MAN2A2: variants seen among roughly 807,000 people sequenced by gnomAD.
MAN2A2 encodes the protein mannosidase alpha class 2A member 2.
In MAN2A2, 79 loss-of-function variants were observed where a neutral mutation model predicts 126.8. The observed-to-expected ratio is 0.62, with a 90% CI of 0.52 to 0.75. MAN2A2 has a LOEUF of 0.75. Among genes scored for constraint, MAN2A2 ranks in the 30% least tolerant of loss-of-function variants. MAN2A2 has a pLI of 0.00. For missense variants in MAN2A2, 1,392 were observed against 1,522.4 expected (o/e 0.91, Z 1.43); for synonymous variants, 671 against 618.7 (o/e 1.08, Z -1.25).
chr15:90,904,482 A>G, intron 2 of MAN2A2, 143 bp downstream of exon 2: 1 of 960,508 alleles, frequency 1.0e-6, no homozygotes, highest in Non-Finnish European at 1.5e-6. Context: ...CCCAATAGTC[A>G]GGTTTTGTAG....
intron 8 of MAN2A2, among the ~76,000 whole-genome samples, chr15:90,908,956 G>A (rs953733423): frequency 6.6e-6 from 1 of 152,182 alleles, no homozygotes; most frequent in African/African-American, 2.4e-5. Context: ...TGGAGGCTCA[G>A]AGAGGTTACT....
In MAN2A2 at chr15:90,905,982, A is replaced by T; in HGVS notation, c.673A>T (p.Asn225Tyr). 1 of 1,614,040 alleles carries T rather than the reference A, an allele frequency of 6.2e-7. No individual in the cohort carries two copies. The highest frequency in any genetic ancestry group is 1.1e-5 in the South Asian group (1 of 91,076). Residue 225 changes from asparagine to tyrosine, a missense_variant, in exon 5 of 23, where the codon AAC becomes TAC. Asn to Tyr is a moderately radical substitution (Grantham distance 143). Coordinates refer to ENST00000559717, the MANE Select transcript of MAN2A2 (RefSeq NM_006122.4). ...CTCCTTCTTCGCCAAGTGGTGGGACAACATCAATGTCCAAAAGAGAGCGGC... is the reference window on the plus strand; with the variant it reads ...CTCCTTCTTCGCCAAGTGGTGGGACTACATCAATGTCCAAAAGAGAGCGGC... ...EVSFFAKWWD[N>Y]INVQKRAAVR...
At position 90,904,349 on chromosome 15, in the gene MAN2A2, G is replaced by C; in HGVS notation, c.132+10G>C. ...TGGGAACTTCCCCCGGGTGAGTCGT[G>C]CCTGGTTGCTAATTTCTTTGTATAC... On this transcript the variant is annotated intron_variant, in intron 2 of 22. Coordinates refer to ENST00000559717, the MANE Select transcript of MAN2A2 (RefSeq NM_006122.4). 6.2e-7 allele frequency: 1 copy of C among 1,611,772 alleles called. No individual in the cohort carries two copies.
intron 6 of MAN2A2, 111 bp from the exon 7 acceptor site, chr15:90,906,629 C>A: frequency 1.3e-6 from 2 of 1,558,652 alleles, no homozygotes; most frequent in South Asian, 1.2e-5. Flanking sequence ...GGTGTGATAT[C>A]ATCTCTCCAC....
Position 90,922,020 on chromosome 15 carries a change from T to C in MAN2A2, c.*2233T>C, listed in dbSNP as rs1041243605. 4.6e-5 allele frequency: 7 copies of C among 152,182 alleles called. No homozygotes were observed. The highest frequency in any genetic ancestry group is 8.8e-5 in the Non-Finnish European group (6 of 68,038). The allele number at this position is 152,182 out of a possible 1,614,324, so 9.4% of individuals were successfully genotyped here. A position where few individuals can be genotyped will look rare whatever the true frequency, so the allele number is the denominator to read the frequency against. ...TACTCAAAAATTTTTATACCTCTGGTGTGGGACGGTCTTTTCTAAACTTTA... is the reference window on the plus strand; with the variant it reads ...TACTCAAAAATTTTTATACCTCTGGCGTGGGACGGTCTTTTCTAAACTTTA... On this transcript the variant is annotated 3_prime_UTR_variant, in exon 23 of 23. Coordinates refer to ENST00000559717, the MANE Select transcript of MAN2A2 (RefSeq NM_006122.4).
At chr15:90,918,047 C>T (rs895483875) in intron 20 of MAN2A2, 147 bp from the exon 21 acceptor site, 62 of 710,014 alleles carry the variant, frequency 8.7e-5, no homozygotes, top group African/African-American at 2.0e-4. Context: ...AGCGGAACCT[C>T]GCCTGGAGCC....
At position 90,916,234 on chromosome 15, in the gene MAN2A2, A is replaced by G; in HGVS notation, c.2972A>G (p.Glu991Gly). ...RTCNRFRLLL[E>G]RRTVGSEVQD... ...TGCAACCGTTTCCGCCTCCTGCTAG[A>G]GCGGCGAACCGTGGGCAGTGAGGTA... The change falls in exon 20 of 23, where the codon GAG (glutamate) becomes GGG (glycine). Residue 991 changes from glutamate (E) to glycine (G), a missense_variant. Transcript: ENST00000559717. The G allele has an allele frequency of 6.2e-7, 1 of 1,614,028 alleles. No individual in the cohort carries two copies. Among genetic ancestry groups the G allele is most frequent in the Non-Finnish European group, 8.5e-7 (1 of 1,179,970 alleles).
At chr15:90,914,294 C>T (rs180908021) in intron 19 of MAN2A2, among the ~76,000 whole-genome samples, 100 of 152,286 alleles carry the variant, frequency 6.6e-4, no homozygotes, top group African/African-American at 2.2e-3. Context: ...TGTGCCACTG[C>T]ACTACAGCCT....
chr15:90,911,008 T>TC, intron 12 of MAN2A2, 47 bp downstream of exon 12: 1 of 1,549,666 alleles, frequency 6.5e-7, no homozygotes. Context: ...TGTGTGCAGG[T>TC]CCCATCCCAA....
rs781574206 is a variant in MAN2A2 at position 90,922,210 on chromosome 15, T to A, written c.*2423T>A. On this transcript the variant is annotated 3_prime_UTR_variant, in exon 23 of 23. Coordinates refer to ENST00000559717, the MANE Select transcript of MAN2A2 (RefSeq NM_006122.4). ...AAAAAATCAACGAGTACAATTACTT[T>A]AGGAGAAAAGCTTGCTTCAGGGTCC... is the stretch of plus-strand genomic sequence containing the variant. The A allele has an allele frequency of 1.3e-5, 2 of 152,194 alleles. No homozygotes were observed. Among genetic ancestry groups the A allele is most frequent in the Non-Finnish European group, 2.9e-5 (2 of 68,030 alleles). 9.4% of individuals were successfully genotyped at this position (152,194 alleles called of 1,614,324 possible). A position where few individuals can be genotyped will look rare whatever the true frequency, so the allele number is the denominator to read the frequency against.
At chr15:90,919,568 A>G (rs2035441565) in intron 22 of MAN2A2, 67 bp from the exon 23 acceptor site, 4 of 1,570,744 alleles carry the variant, frequency 2.5e-6, no homozygotes, top group African/African-American at 1.4e-5. Context: ...CAAATTGTAG[A>G]TGAACAGCCA....
chr15:90,908,817 C>A (rs2151301731), intron 8 of MAN2A2, among the ~76,000 whole-genome samples: 1 of 152,272 alleles, frequency 6.6e-6, no homozygotes, highest in Middle Eastern at 3.4e-3. Flanking sequence ...CTCAGGTGAT[C>A]TGCCTGCCCC....
rs763045576 is a variant in MAN2A2, at chr15:90,905,701, G to A, written c.513G>A (p.Val171=). 1 of 1,614,030 alleles carries A rather than the reference G, an allele frequency of 6.2e-7. No individual in the cohort carries two copies. Among genetic ancestry groups the A allele is most frequent in the African/African-American group, 1.3e-5 (1 of 75,030 alleles). ...WDAEDLQVFV[V]PHSHNDPGWI... is the part of the protein sequence containing the mutation. ...CTGAAGACCTGCAGGTGTTTGTGGT[G>A]CCCCACTCTCACAATGACCCAGGTG... Residue 171 remains valine (V), a synonymous_variant, in exon 4 of 23, where the codon GTG becomes GTA. Coordinates refer to ENST00000559717, the MANE Select transcript of MAN2A2 (RefSeq NM_006122.4).
At position 90,907,469 on chromosome 15, in the gene MAN2A2, C is replaced by A. The variant is rs1257439331; in HGVS notation, c.1170C>A (p.Ala390=). ...GCCCTTGGAAGGTGCCACCCCGGGC[C>A]ATCACAGAGGCCAACGTGGCAGAGA... ...INCPWKVPPR[A]ITEANVAERA... Residue 390 remains alanine, a synonymous_variant, in exon 8 of 23, where the codon GCC becomes GCA. Transcript: ENST00000559717. 1.2e-6 allele frequency: 2 copies of A among 1,613,094 alleles called. No individual in the cohort carries two copies. The highest frequency in any genetic ancestry group is 1.7e-6 in the Non-Finnish European group (2 of 1,179,968).
rs1240819570 is a variant in MAN2A2, at chr15:90,921,240, A to G, written c.*1453A>G. The G allele has an allele frequency of 6.6e-6, 1 of 152,262 alleles. No homozygotes were observed. Among genetic ancestry groups the G allele is most frequent in the African/African-American group, 2.4e-5 (1 of 41,470 alleles). 9.4% of individuals were successfully genotyped at this position (152,262 alleles called of 1,614,324 possible). Reference sequence around the variant, plus strand: ...TTAAGAGTATTCTGTAAGTCAACCCAATGATACACATCATGTTCCTGTCCA... The same window carrying G: ...TTAAGAGTATTCTGTAAGTCAACCCGATGATACACATCATGTTCCTGTCCA... On this transcript the variant is annotated 3_prime_UTR_variant, in exon 23 of 23. Coordinates refer to ENST00000559717, the MANE Select transcript of MAN2A2 (RefSeq NM_006122.4).
intron 2 of MAN2A2, 85 bp downstream of exon 2, chr15:90,904,424 C>G: frequency 1.4e-6 from 2 of 1,439,790 alleles, no homozygotes; most frequent in Non-Finnish European, 1.9e-6. Context: ...GCCTCCCCTC[C>G]CACCCCCCGC....
In MAN2A2 at chr15:90,913,407, G is replaced by A. The variant is rs1322970205; in HGVS notation, c.2718+1G>A. The A allele has an allele frequency of 6.3e-7, 1 of 1,585,504 alleles. No homozygotes were observed. The highest frequency in any genetic ancestry group is 8.7e-7 in the Non-Finnish European group (1 of 1,154,186). On this transcript the variant is annotated splice_donor_variant, in intron 18 of 22. Coordinates refer to ENST00000559717, the MANE Select transcript of MAN2A2 (RefSeq NM_006122.4). LOFTEE classifies it high-confidence loss of function. Reference sequence around the variant, plus strand: ...CTTCACAGACCTCAATGGCTTTCAGGTGACTCCTGGGCCTGGGTCTCGGAG... The same window carrying A: ...CTTCACAGACCTCAATGGCTTTCAGATGACTCCTGGGCCTGGGTCTCGGAG...
In MAN2A2 at chr15:90,915,978, A is replaced by T. The variant is rs1414043255; in HGVS notation, c.2861-145A>T. On this transcript the variant is annotated intron_variant, in intron 19 of 22. Coordinates refer to ENST00000559717, the MANE Select transcript of MAN2A2 (RefSeq NM_006122.4). ...CATCAGGTTCCCTCCCAGCCGTGGG[A>T]ACCCGTGACCTCTCCTGAGTGACTC... is the stretch of plus-strand genomic sequence containing the variant. 7 of 823,384 alleles carry T rather than the reference A, an allele frequency of 8.5e-6. No homozygotes were observed. The Admixed American group carries it at 2.0e-4, about 24-fold the overall frequency. 51.0% of individuals were successfully genotyped at this position (823,384 alleles called of 1,614,324 possible). A position where few individuals can be genotyped will look rare whatever the true frequency, so the allele number is the denominator to read the frequency against.
chr15:90,912,709 G>T (rs1596164225), intron 16 of MAN2A2, 45 bp downstream of exon 16: 1 of 1,612,044 alleles, frequency 6.2e-7, no homozygotes, highest in Non-Finnish European at 8.5e-7. Context: ...AGGGCAGGAG[G>T]GGGCACAGGC....
Sources: gnomAD v4.1 joint callset for allele counts (sites outside exome capture counted in the v4.1 genomes callset) on GRCh38, gnomAD v4.1.1 for gene constraint, MANE v1.5 for transcripts, NCBI Gene and HGNC (gene_info 2026-07-23, HGNC 2026-07-21) for gene names.